SLC25A26: variants seen among roughly 807,000 people sequenced by gnomAD.
The protein encoded by SLC25A26 is solute carrier family 25 member 26.
In SLC25A26, 36 loss-of-function variants were observed where a neutral mutation model predicts 37.8. The observed-to-expected ratio is 0.95, with a 90% confidence interval of 0.73 to 1.26. SLC25A26 has a LOEUF of 1.26. SLC25A26 is among the 50% of genes most tolerant of loss of function. The pLI, the probability that SLC25A26 is intolerant of heterozygous loss-of-function variation, is 0.00. For synonymous variants in SLC25A26, 129 were observed against 122.5 expected (o/e 1.05, Z -0.35); for missense variants, 390 against 331.1 (o/e 1.18, Z -1.38).
intron 5 of SLC25A26, among the ~76,000 whole-genome samples, chr3:66,343,566 G>C (rs2076255738): frequency 6.6e-6 from 1 of 152,124 alleles, no homozygotes; most frequent in Non-Finnish European, 1.5e-5. Context: ...ACTTTCATTA[G>C]AGGAAATGGG....
intron 6 of SLC25A26, among the ~76,000 whole-genome samples, chr3:66,362,295 C>T (rs1389155723): frequency 6.6e-6 from 1 of 152,082 alleles, no homozygotes; most frequent in Non-Finnish European, 1.5e-5. Flanking sequence ...CCCAAATGTC[C>T]ATCAACAGGT....
At chr3:66,370,037 A>G (rs1037949276) in intron 8 of SLC25A26, among the ~76,000 whole-genome samples, 1 of 152,252 alleles carries the variant, frequency 6.6e-6, no homozygotes, top group Non-Finnish European at 1.5e-5. Context: ...AACCAAAACA[A>G]AAAAGTCCTA....
intron 1 of SLC25A26, among the ~76,000 whole-genome samples, chr3:66,144,772 A>C (rs1473309726): frequency 6.6e-6 from 1 of 152,204 alleles, no homozygotes; most frequent in Non-Finnish European, 1.5e-5. Context: ...AGTGCATTGC[A>C]ATCATTGCTA....
chr3:66,163,168 A>G (rs1246486440), intron 1 of SLC25A26, among the ~76,000 whole-genome samples: 1 of 152,234 alleles, frequency 6.6e-6, no homozygotes, highest in African/African-American at 2.4e-5. Context: ...ATTTACTGCC[A>G]TAATTACAGC....
chr3:66,326,737 T>C (rs960454554), intron 5 of SLC25A26, among the ~76,000 whole-genome samples: 5 of 152,168 alleles, frequency 3.3e-5, no homozygotes, highest in African/African-American at 1.2e-4. Context: ...GACAGTATGT[T>C]GAGCCCCAAA....
intron 3 of SLC25A26, among the ~76,000 whole-genome samples, chr3:66,255,296 AT>A (rs898750660): frequency 2.6e-5 from 4 of 152,182 alleles, no homozygotes; most frequent in Admixed American, 2.0e-4. Flanking sequence ...TTTAATAAAT[AT>A]CAAAAGGAAA....
chr3:66,134,829 A>AT (rs111679305), intron 1 of SLC25A26, among the ~76,000 whole-genome samples: 54,847 of 147,568 alleles, frequency 0.37, 10,964 homozygotes, highest in African/African-American at 0.55. Context: ...TCTTTCCTTT[A>AT]TTTTTTTTTT....
intron 5 of SLC25A26, among the ~76,000 whole-genome samples, chr3:66,275,012 C>T (rs1250953011): frequency 1.3e-5 from 2 of 151,950 alleles, no homozygotes; most frequent in African/African-American, 4.8e-5. Context: ...AAATGTCCAA[C>T]AATGATAGAC....
Position 66,221,157 on chromosome 3 carries a change from C to T in SLC25A26, c.33+30C>T, listed in dbSNP as rs1254083903. 3 of 1,501,866 alleles carry T rather than the reference C, an allele frequency of 2.0e-6. No homozygotes were observed. In the East Asian group the frequency reaches 8.0e-5, roughly 40 times the overall value. 93.0% of individuals were successfully genotyped at this position (1,501,866 alleles called of 1,614,324 possible). ...GTGCGGGGCGGTGGGGTGGGTTGCT[C>T]AGAGTGCCGGCGTCCGGCATTGGAG... On this transcript the variant is annotated intron_variant, in intron 1 of 9. Coordinates refer to ENST00000354883, the MANE Select transcript of SLC25A26 (RefSeq NM_001379210.1).
At chr3:66,370,001 G>A (rs1440033708) in intron 8 of SLC25A26, among the ~76,000 whole-genome samples, 1 of 152,142 alleles carries the variant, frequency 6.6e-6, no homozygotes, top group East Asian at 1.9e-4. Context: ...TTGAAAGAAT[G>A]CCATACGTAT....
At chr3:66,305,158 A>G (rs960790261) in intron 5 of SLC25A26, among the ~76,000 whole-genome samples, 4 of 152,124 alleles carry the variant, frequency 2.6e-5, no homozygotes, top group African/African-American at 7.2e-5. Flanking sequence ...TTAGTTTCTC[A>G]TGCCTTTCTT....
intron 5 of SLC25A26, among the ~76,000 whole-genome samples, chr3:66,320,359 A>AT (rs1315069063): frequency 6.6e-6 from 1 of 151,888 alleles, no homozygotes; most frequent in African/African-American, 2.4e-5. Context: ...ACCATGTGAT[A>AT]TTTGTCCTTT....
At chr3:66,164,319 AG>A (rs2070397019) in intron 1 of SLC25A26, among the ~76,000 whole-genome samples, 1 of 152,210 alleles carries the variant, frequency 6.6e-6, no homozygotes, top group Non-Finnish European at 1.5e-5. Flanking sequence ...TATCTGGGTG[AG>A]CTTCCCCAGA....
chr3:66,257,369 A>G (rs1020328903), intron 3 of SLC25A26, among the ~76,000 whole-genome samples: 24 of 152,130 alleles, frequency 1.6e-4, no homozygotes, highest in African/African-American at 5.8e-4. Context: ...AAAAAAAAAG[A>G]AAAGACTCTG....
intron 1 of SLC25A26, among the ~76,000 whole-genome samples, chr3:66,163,086 T>C (rs1266441328): frequency 6.6e-6 from 1 of 152,212 alleles, no homozygotes; most frequent in East Asian, 1.9e-4. Flanking sequence ...GCATATTTCT[T>C]TGTGGTGTCC....
At chr3:66,339,584 AG>A (rs141441909) in intron 5 of SLC25A26, among the ~76,000 whole-genome samples, 7,181 of 152,060 alleles carry the variant, frequency 0.047, 224 homozygotes, top group South Asian at 0.076. Context: ...AAAGGGTGGG[AG>A]TTTGTATCTC....
intron 6 of SLC25A26, among the ~76,000 whole-genome samples, chr3:66,350,273 C>G (rs2076418776): frequency 1.3e-5 from 2 of 152,260 alleles, no homozygotes; most frequent in East Asian, 3.9e-4. Context: ...ACCTTAAATT[C>G]AACTCTGTCT....
At chr3:66,320,065 C>A (rs1208559791) in intron 5 of SLC25A26, among the ~76,000 whole-genome samples, 1 of 152,066 alleles carries the variant, frequency 6.6e-6, no homozygotes, top group African/African-American at 2.4e-5. Flanking sequence ...TGAGACTAAA[C>A]TTTGAATTAA....
chr3:66,342,417 A>G (rs2076230038), intron 5 of SLC25A26, among the ~76,000 whole-genome samples: 1 of 152,170 alleles, frequency 6.6e-6, no homozygotes, highest in Non-Finnish European at 1.5e-5. Flanking sequence ...TAAAAAATAT[A>G]TTGGTATTGT....
Sources: allele counts gnomAD v4.1 joint callset (sites outside exome capture counted in the v4.1 genomes callset), GRCh38; gene constraint gnomAD v4.1.1; transcripts MANE v1.5; gene names NCBI Gene and HGNC (gene_info 2026-07-23, HGNC 2026-07-21).